DMD: variants seen among roughly 807,000 people sequenced by gnomAD.
DMD encodes the protein dystrophin.
Under a neutral mutation model 330.1 loss-of-function variants are expected in DMD, and 63 were observed. The ratio of observed to expected loss-of-function variants is 0.19; its 90% CI spans 0.16 to 0.24. DMD has a LOEUF of 0.24. Ranked by LOEUF, DMD falls within the 10% of genes least tolerant of loss-of-function variation. DMD has a pLI of 1.00. For missense variants in DMD, 3,344 were observed against 2,684.1 expected (o/e 1.25, Z -5.43); for synonymous variants, 1,223 against 959.8 (o/e 1.27, Z -5.07).
At chrX:31,325,964 T>TTTA (rs1451710208) in intron 61 of DMD, among the ~76,000 whole-genome samples, 2 of 107,432 alleles carry the variant, frequency 1.9e-5, no homozygotes, top group African/African-American at 3.3e-5. Context: ...TTTTTTTTTT[T>TTTA]ATCATTCTAG....
intron 60 of DMD, among the ~76,000 whole-genome samples, chrX:31,364,757 T>G (rs776452841): frequency 9.0e-6 from 1 of 111,069 alleles, no homozygotes; most frequent in Non-Finnish European, 1.9e-5. Flanking sequence ...ACTGCGGCAT[T>G]AATTCTCCAA....
At position 32,438,179 on chromosome X, in the gene DMD, G is replaced by A. The variant is rs60282408; in HGVS notation, c.4071+62C>T. 1.3e-4 allele frequency: 143 copies of A among 1,096,675 alleles called. No individual in the cohort carries two copies. In the East Asian group the frequency reaches 3.7e-3, roughly 28 times the overall value. The allele number at this position is 1,096,675 out of a possible 1,213,427, so 90.4% of individuals were successfully genotyped here. On this transcript the variant is annotated intron_variant, in intron 29 of 78. Transcript: ENST00000357033. Reference sequence around the variant, plus strand: ...AACTATTGCTCATTTTATCTGAGAGGCCTGTATCTGCTATACATTAATGCA... The same window carrying A: ...AACTATTGCTCATTTTATCTGAGAGACCTGTATCTGCTATACATTAATGCA...
intron 61 of DMD, among the ~76,000 whole-genome samples, chrX:31,343,699 G>A (rs1344255469): frequency 9.2e-6 from 1 of 108,926 alleles, no homozygotes; most frequent in Non-Finnish European, 1.9e-5. Flanking sequence ...CAGTAAGCAT[G>A]TTTACGCTGG....
chrX:32,104,296 G>A (rs1391757614), intron 44 of DMD, among the ~76,000 whole-genome samples: 1 of 111,636 alleles, frequency 9.0e-6, no homozygotes, highest in East Asian at 2.8e-4. Flanking sequence ...ATTATGTCAG[G>A]TGCTTTGCTA....
intron 2 of DMD, among the ~76,000 whole-genome samples, chrX:33,000,604 T>G (rs2093255271): frequency 8.9e-6 from 1 of 112,159 alleles, no homozygotes; most frequent in South Asian, 3.7e-4. Flanking sequence ...CATGTGGCTT[T>G]GGAGCACCTG....
At chrX:32,836,317 C>A (rs778444441) in intron 4 of DMD, among the ~76,000 whole-genome samples, 23 of 110,691 alleles carry the variant, frequency 2.1e-4, no homozygotes, top group Non-Finnish European at 4.3e-4. Flanking sequence ...CAGGTGTGAG[C>A]CACCACGCTC....
At chrX:32,740,678 A>G in intron 7 of DMD, among the ~76,000 whole-genome samples, 1 of 111,770 alleles carries the variant, frequency 8.9e-6, no homozygotes, top group Non-Finnish European at 1.9e-5. Flanking sequence ...TTTGGAGGGC[A>G]TAAACTCATG....
chrX:32,879,925 C>T (rs1284907888), intron 2 of DMD, among the ~76,000 whole-genome samples: 2 of 110,787 alleles, frequency 1.8e-5, no homozygotes, highest in Non-Finnish European at 3.8e-5. Flanking sequence ...TCCTCTTCTC[C>T]CATTTGAATA....
At chrX:31,981,194 A>G (rs1012571626) in intron 44 of DMD, among the ~76,000 whole-genome samples, 1 of 111,874 alleles carries the variant, frequency 8.9e-6, no homozygotes, top group Non-Finnish European at 1.9e-5. Context: ...GTCAAGTGGC[A>G]TCTGTCTTTC....
chrX:31,863,503 A>G (rs1368295277), intron 48 of DMD, among the ~76,000 whole-genome samples: 1 of 112,255 alleles, frequency 8.9e-6, no homozygotes, highest in Non-Finnish European at 1.9e-5. Flanking sequence ...TGTAGTCAAG[A>G]TACATTTATG....
At chrX:32,590,094 T>C (rs942102091) in intron 13 of DMD, among the ~76,000 whole-genome samples, 3 of 112,292 alleles carry the variant, frequency 2.7e-5, no homozygotes, top group Non-Finnish European at 5.6e-5. Flanking sequence ...AAATAATTTG[T>C]CTTAATACTA....
chrX:32,708,242 C>T (rs1254120235), intron 7 of DMD, among the ~76,000 whole-genome samples: 4 of 109,010 alleles, frequency 3.7e-5, no homozygotes, highest in Non-Finnish European at 7.6e-5. Flanking sequence ...GCAAATTACT[C>T]AATGATGACT....
At chrX:31,311,144 GCTT>G (rs1353003018) in intron 62 of DMD, among the ~76,000 whole-genome samples, 1 of 110,865 alleles carries the variant, frequency 9.0e-6, no homozygotes, top group Non-Finnish European at 1.9e-5. Context: ...CCAGCTCAAG[GCTT>G]GGGAGAAATT....
At chrX:31,261,052 T>C in intron 62 of DMD, 36 bp from the exon 63 acceptor site, 1 of 1,119,159 alleles carries the variant, frequency 8.9e-7, no homozygotes. Context: ...CTTTAGCATT[T>C]ACAATGAGTA....
chrX:32,659,555 C>G (rs2060811710), intron 9 of DMD, among the ~76,000 whole-genome samples: 1 of 110,621 alleles, frequency 9.0e-6, no homozygotes, highest in Admixed American at 9.6e-5. Flanking sequence ...GGTGATGTAG[C>G]ATCTCGGAAG....
chrX:33,019,514 T>C (rs2093872847), intron 2 of DMD, among the ~76,000 whole-genome samples: 2 of 111,493 alleles, frequency 1.8e-5, no homozygotes, highest in African/African-American at 3.3e-5. Context: ...TAAACCTCCA[T>C]ATATTGCATT....
chrX:32,433,474 T>G (rs1318166068), intron 29 of DMD, among the ~76,000 whole-genome samples: 1 of 112,049 alleles, frequency 8.9e-6, no homozygotes, highest in Non-Finnish European at 1.9e-5. Context: ...GGTCAGGTGT[T>G]TGAGGCCAGC....
In DMD at chrX:31,994,745, T is replaced by C. The variant is rs746455523; in HGVS notation, c.6439-26231A>G. On this transcript the variant is annotated intron_variant, in intron 44 of 78. Transcript: ENST00000357033. ...TTGGAAATGGTTTTATTCCAAGTTA[T>C]ACAGGAGTAGGCACCTGCTTTATAT... 3.6e-5 allele frequency among the ~76,000 whole-genome samples: 4 copies of C among 112,041 alleles called. No individual in the cohort carries two copies. The East Asian group carries it at 1.1e-3, about 32-fold the overall frequency.
chrX:32,850,465 A>G (rs985293866), intron 2 of DMD, among the ~76,000 whole-genome samples: 4 of 112,096 alleles, frequency 3.6e-5, no homozygotes, highest in Non-Finnish European at 7.5e-5. Flanking sequence ...TAACGTAAAT[A>G]CTCATGAGAC....
Sources: gnomAD v4.1 joint callset for allele counts (sites outside exome capture counted in the v4.1 genomes callset) on GRCh38, gnomAD v4.1.1 for gene constraint, MANE v1.5 for transcripts, NCBI Gene and HGNC (gene_info 2026-07-23, HGNC 2026-07-21) for gene names.